VWA3B: variants seen among roughly 807,000 people sequenced by gnomAD.
The protein encoded by VWA3B is von Willebrand factor A domain-containing protein 3B.
VWA3B carries 138 observed loss-of-function variants against 158.3 expected under a neutral mutation model. The observed-to-expected ratio is 0.87, with a 90% CI of 0.76 to 1.00. The LOEUF (loss-of-function observed/expected upper bound fraction) is 1.00, where lower values mean the gene tolerates loss of function less well. VWA3B is among the 50% of genes least tolerant of loss of function. VWA3B has a pLI of 0.00. For missense variants in VWA3B, 1,555 were observed against 1,565.1 expected (o/e 0.99, Z 0.11); for synonymous variants, 596 against 587.3 (o/e 1.01, Z -0.21).
chr2:98,163,750 A>C (rs1342658992), intron 8 of VWA3B, among the ~76,000 whole-genome samples: 1 of 152,050 alleles, frequency 6.6e-6, no homozygotes, highest in Non-Finnish European at 1.5e-5. Context: ...CGCTAAACCA[A>C]CTTGACAGGA....
chr2:98,301,205 G>A (rs1414053176), intron 25 of VWA3B, among the ~76,000 whole-genome samples: 2 of 151,844 alleles, frequency 1.3e-5, no homozygotes, highest in African/African-American at 4.8e-5. Flanking sequence ...CAGGAGAATG[G>A]CGTGAACCTG....
intron 6 of VWA3B, among the ~76,000 whole-genome samples, chr2:98,129,939 C>T (rs1028624791): frequency 4.6e-5 from 7 of 151,820 alleles, no homozygotes; most frequent in African/African-American, 1.7e-4. Context: ...TTAGGTGGAA[C>T]GAGAGATTTG....
At chr2:98,268,341 C>G (rs1362197357) in intron 21 of VWA3B, among the ~76,000 whole-genome samples, 1 of 152,054 alleles carries the variant, frequency 6.6e-6, no homozygotes, top group South Asian at 2.1e-4. Flanking sequence ...GCTTATCCAC[C>G]ATGATCAAGT....
At chr2:98,173,838 C>A (rs555142623) in intron 8 of VWA3B, among the ~76,000 whole-genome samples, 1 of 151,452 alleles carries the variant, frequency 6.6e-6, no homozygotes, top group Non-Finnish European at 1.5e-5. Context: ...TAGTGGCGGG[C>A]GCCTGTAGTC....
At chr2:98,207,709 G>A (rs17028800) in intron 12 of VWA3B, 72,365 of 402,028 alleles carry the variant, frequency 0.18, 9,793 homozygotes, top group East Asian at 0.48. Flanking sequence ...AAGCTGATAC[G>A]CTGGCTGAAG....
At chr2:98,314,142 G>A (rs1691035868), downstream of VWA3B, among the ~76,000 whole-genome samples, 1 of 152,200 alleles carries the variant, frequency 6.6e-6, no homozygotes. Context: ...TAGGGAGGGG[G>A]AACCCAAACA....
At chr2:98,104,228 A>C (rs929149164) in intron 2 of VWA3B, among the ~76,000 whole-genome samples, 3 of 152,204 alleles carry the variant, frequency 2.0e-5, no homozygotes, top group Non-Finnish European at 2.9e-5. Context: ...GTTGCTGTAA[A>C]GGTATGACTG....
intron 12 of VWA3B, among the ~76,000 whole-genome samples, chr2:98,203,680 C>G (rs13413041): frequency 0.018 from 2,685 of 152,276 alleles, 75 homozygotes; most frequent in African/African-American, 0.061. Context: ...TTTTTTGGAG[C>G]AATTGTAAGT....
chr2:98,297,525 AT>A (rs1279910273), intron 23 of VWA3B, among the ~76,000 whole-genome samples: 1 of 152,204 alleles, frequency 6.6e-6, no homozygotes, highest in Non-Finnish European at 1.5e-5. Flanking sequence ...TGTATTTTCT[AT>A]CTTTAAGTAT....
intron 14 of VWA3B, among the ~76,000 whole-genome samples, chr2:98,221,240 G>T (rs1048647795): frequency 2.0e-5 from 3 of 152,102 alleles, no homozygotes. Context: ...ACAGGGCACT[G>T]CAGAAGCCTC....
chr2:98,191,577 G>A (rs890898063), intron 10 of VWA3B, among the ~76,000 whole-genome samples: 20 of 152,126 alleles, frequency 1.3e-4, no homozygotes, highest in African/African-American at 3.6e-4. Context: ...TCCTGCTACC[G>A]AGGCAATACT....
chr2:98,309,572 G>A (rs1690756787), intron 26 of VWA3B, among the ~76,000 whole-genome samples: 2 of 152,214 alleles, frequency 1.3e-5, no homozygotes, highest in African/African-American at 4.8e-5. Context: ...TTGGATTTGG[G>A]AGTGTGTCCC....
intron 22 of VWA3B, among the ~76,000 whole-genome samples, chr2:98,277,284 G>T (rs1558754364): frequency 6.6e-6 from 1 of 152,124 alleles, no homozygotes; most frequent in Non-Finnish European, 1.5e-5. Flanking sequence ...ATGTTACTGT[G>T]ATTGCAGATT....
At chr2:98,212,516 G>A (rs1295043322) in intron 13 of VWA3B, among the ~76,000 whole-genome samples, 1 of 152,234 alleles carries the variant, frequency 6.6e-6, no homozygotes, top group Admixed American at 6.5e-5. Context: ...TTGAAAAGCT[G>A]TAGAGGAGTC....
chr2:98,290,019 A>G (rs2105946184), intron 22 of VWA3B, among the ~76,000 whole-genome samples: 1 of 152,312 alleles, frequency 6.6e-6, no homozygotes, highest in Admixed American at 6.5e-5. Flanking sequence ...TAATTCTTCT[A>G]TAATGTGATT....
chr2:98,187,654 G>C (rs532152712), intron 9 of VWA3B, among the ~76,000 whole-genome samples: 11 of 125,024 alleles, frequency 8.8e-5, no homozygotes, highest in African/African-American at 3.7e-4. Flanking sequence ...CTCCCTCTCC[G>C]TCTCTGTGTC....
chr2:98,140,294 C>T (rs1385798873), intron 7 of VWA3B, among the ~76,000 whole-genome samples: 1 of 152,232 alleles, frequency 6.6e-6, no homozygotes, highest in African/African-American at 2.4e-5. Flanking sequence ...TGACCCATCC[C>T]ATCCAGGAAT....
intron 16 of VWA3B, among the ~76,000 whole-genome samples, chr2:98,234,306 C>T (rs944206943): frequency 6.6e-6 from 1 of 152,182 alleles, no homozygotes; most frequent in Non-Finnish European, 1.5e-5. Flanking sequence ...ATGGAAGAGT[C>T]GTGTGAGAAG....
intron 22 of VWA3B, 95 bp downstream of exon 22, chr2:98,270,978 C>A: frequency 8.1e-7 from 1 of 1,227,850 alleles, no homozygotes; most frequent in Non-Finnish European, 1.1e-6. Context: ...CTCCCACTCC[C>A]CGCCACACTG....
Sources: gnomAD v4.1 joint callset for allele counts (sites outside exome capture counted in the v4.1 genomes callset) on GRCh38, gnomAD v4.1.1 for gene constraint, MANE v1.5 for transcripts, NCBI Gene and HGNC (gene_info 2026-07-23, HGNC 2026-07-21) for gene names.